The following ERP44 variants were observed in gnomAD, a reference collection of about 807,000 sequenced individuals.
ERP44 encodes the protein endoplasmic reticulum protein 44, also known as endoplasmic reticulum resident protein 44.
In ERP44, 25 loss-of-function variants were observed where a neutral mutation model predicts 53.4. That is an observed-to-expected ratio of 0.47 (90% CI 0.34 to 0.65). ERP44 has a LOEUF of 0.65. ERP44 is among the 30% of genes least tolerant of loss of function. ERP44 has a pLI of 0.01. For missense variants in ERP44, 338 were observed against 493.2 expected, an observed-to-expected ratio of 0.69 and a Z score of 2.98; for synonymous variants, 145 against 161.2, an observed-to-expected ratio of 0.90 and a Z score of 0.76.
Position 100,083,911 on chromosome 9 carries a change from G to A in ERP44, c.57+14873C>T, listed in dbSNP as rs111708899. Among the ~76,000 whole-genome samples, 590 of 152,120 alleles carry A rather than the reference G, an allele frequency of 3.9e-3. 3 individuals are homozygous for A. Among genetic ancestry groups the A allele is most frequent in the African/African-American group, 0.013 (548 of 41,498 alleles). Reference sequence around the variant, plus strand: ...AGAGTATCCACATTTATCTCCTTACGGTCTTCTGTCCCTTAAATGTAGATA... The same window carrying A: ...AGAGTATCCACATTTATCTCCTTACAGTCTTCTGTCCCTTAAATGTAGATA... On this transcript the variant is annotated intron_variant, in intron 1 of 11. Coordinates refer to ENST00000262455, the MANE Select transcript of ERP44 (RefSeq NM_015051.3).
Position 100,067,723 on chromosome 9 carries a change from C to T in ERP44, c.58-7551G>A, listed in dbSNP as rs577180856. The stretch of plus-strand genomic sequence containing the variant: ...AAAGTGAGGAGCGTCTCTGCCCGGC[C>T]GCCATCCCATCTAGGAAGTGAGGAG... On this transcript the variant is annotated intron_variant, in intron 1 of 11. Transcript: ENST00000262455. Among the ~76,000 whole-genome samples the T allele has an allele frequency of 1.5e-4, 22 of 150,062 alleles. No homozygotes were observed. In the South Asian group the frequency reaches 2.3e-3, roughly 16 times the overall value.
At chr9:100,049,666 T>C (rs974409692) in intron 4 of ERP44, among the ~76,000 whole-genome samples, 1 of 152,226 alleles carries the variant, frequency 6.6e-6, no homozygotes, top group Non-Finnish European at 1.5e-5. Context: ...TATTAGTGGG[T>C]ATATAAAATA....
At chr9:100,039,119 G>A (rs1825875541) in intron 4 of ERP44, among the ~76,000 whole-genome samples, 1 of 152,076 alleles carries the variant, frequency 6.6e-6, no homozygotes, top group Non-Finnish European at 1.5e-5. Context: ...TTCAGTCTTG[G>A]ACAGATCTTC....
chr9:100,074,050 A>G (rs1826332354), intron 1 of ERP44, among the ~76,000 whole-genome samples: 1 of 152,202 alleles, frequency 6.6e-6, no homozygotes, highest in South Asian at 2.1e-4. Context: ...TGCTCAAAAT[A>G]TTTTGGAGAG....
At chr9:100,007,538 GAGAA>G (rs1830434325) in intron 9 of ERP44, 36 bp downstream of exon 9, 1 of 993,938 alleles carries the variant, frequency 1.0e-6, no homozygotes, top group Non-Finnish European at 1.6e-6. Context: ...AAAGAAAAGA[GAGAA>G]AGAAATGATG....
At chr9:99,992,757 T>C (rs1240560005) in intron 10 of ERP44, among the ~76,000 whole-genome samples, 2 of 152,296 alleles carry the variant, frequency 1.3e-5, no homozygotes, top group East Asian at 3.9e-4. Flanking sequence ...TGATTATATA[T>C]TTAGAAAACC....
intron 10 of ERP44, among the ~76,000 whole-genome samples, chr9:99,994,177 A>C (rs1000220526): frequency 2.0e-5 from 3 of 152,220 alleles, no homozygotes; most frequent in Non-Finnish European, 4.4e-5. Context: ...ATTATAAATC[A>C]TGCTATTATA....
rs370675509 is a variant in ERP44 at position 100,010,223 on chromosome 9, T to C, written c.763-2534A>G. Among the ~76,000 whole-genome samples the C allele has an allele frequency of 5.9e-5, 9 of 152,340 alleles. No homozygotes were observed. In the East Asian group the frequency reaches 1.3e-3, roughly 23 times the overall value. On this transcript the variant is annotated intron_variant, in intron 8 of 11. Coordinates refer to ENST00000262455, the MANE Select transcript of ERP44 (RefSeq NM_015051.3). Reference sequence around the variant, plus strand: ...ACTATGTCCATACAAGCATATTCTTTACCAAACAAATGTTAAAAGATTAAG... The same window carrying C: ...ACTATGTCCATACAAGCATATTCTTCACCAAACAAATGTTAAAAGATTAAG...
chr9:99,989,435 A>T (rs1004469666), intron 10 of ERP44, among the ~76,000 whole-genome samples: 1 of 152,246 alleles, frequency 6.6e-6, no homozygotes, highest in African/African-American at 2.4e-5. Flanking sequence ...ACTCCAACAG[A>T]CTTGCAGGTG....
chr9:100,074,488 A>G (rs983363113), intron 1 of ERP44, among the ~76,000 whole-genome samples: 4 of 152,334 alleles, frequency 2.6e-5, no homozygotes, highest in Admixed American at 6.5e-5. Flanking sequence ...TCGAATGGAC[A>G]AAAGACTAAT....
intron 11 of ERP44, among the ~76,000 whole-genome samples, chr9:99,984,470 A>G (rs1184155853): frequency 2.0e-5 from 3 of 152,218 alleles, no homozygotes; most frequent in Non-Finnish European, 4.4e-5. Context: ...AGTATTCTAA[A>G]TCACAAATGG....
At position 100,036,129 on chromosome 9, in the gene ERP44, A is replaced by T. The variant is rs969056361; in HGVS notation, c.287-13903T>A. On this transcript the variant is annotated intron_variant, in intron 4 of 11. Coordinates refer to ENST00000262455, the MANE Select transcript of ERP44 (RefSeq NM_015051.3). Reference sequence around the variant, plus strand: ...TCGCAGCACTATTCACAATAGCAAAACCACAGAACCAACCTAGGTATCCAT... The same window carrying T: ...TCGCAGCACTATTCACAATAGCAAATCCACAGAACCAACCTAGGTATCCAT... Among the ~76,000 whole-genome samples the T allele has an allele frequency of 2.3e-4, 35 of 152,328 alleles. No individual in the cohort carries two copies. In the South Asian group the frequency reaches 4.8e-3, roughly 21 times the overall value.
intron 4 of ERP44, among the ~76,000 whole-genome samples, chr9:100,045,504 G>A (rs1265949877): frequency 6.6e-6 from 1 of 152,126 alleles, no homozygotes; most frequent in African/African-American, 2.4e-5. Context: ...GGTGTAATGC[G>A]TCGTGGTAAA....
intron 4 of ERP44, among the ~76,000 whole-genome samples, chr9:100,050,065 A>C (rs1423387552): frequency 6.6e-6 from 1 of 151,800 alleles, no homozygotes; most frequent in East Asian, 1.9e-4. Context: ...AGACAAAAAA[A>C]ACCTCATACT....
chr9:100,052,304 A>T (rs1028259117), intron 4 of ERP44, 113 bp downstream of exon 4: 10 of 251,176 alleles, frequency 4.0e-5, no homozygotes, highest in South Asian at 1.0e-4. Context: ...CAGAGCATTT[A>T]AAAAAAAAAA....
rs147526711 is a variant in ERP44 at position 100,083,846 on chromosome 9, T to C, written c.57+14938A>G. Among the ~76,000 whole-genome samples, 39 of 152,302 alleles carry C rather than the reference T, an allele frequency of 2.6e-4. No homozygotes were observed. In the East Asian group the frequency reaches 7.3e-3, roughly 29 times the overall value. ...GAATTAAAATGACTGGCTATCAAGA[T>C]GCAATAGGACGGGAGAAAAGCTCTA... On this transcript the variant is annotated intron_variant, in intron 1 of 11. Coordinates refer to ENST00000262455, the MANE Select transcript of ERP44 (RefSeq NM_015051.3).
chr9:100,028,755 A>G (rs1250784318), intron 4 of ERP44, among the ~76,000 whole-genome samples: 1 of 152,224 alleles, frequency 6.6e-6, no homozygotes, highest in East Asian at 1.9e-4. Flanking sequence ...AGAAATTCCT[A>G]GAGAGAGTAG....
At chr9:100,088,351 G>A (rs1322415592) in intron 1 of ERP44, among the ~76,000 whole-genome samples, 1 of 152,102 alleles carries the variant, frequency 6.6e-6, no homozygotes, top group Non-Finnish European at 1.5e-5. Flanking sequence ...GAATATGCCT[G>A]GGACACTCCC....
chr9:100,012,074 C>G (rs113481386), intron 8 of ERP44, among the ~76,000 whole-genome samples: 4 of 151,976 alleles, frequency 2.6e-5, no homozygotes, highest in African/African-American at 9.6e-5. Flanking sequence ...GGAAGTAGAA[C>G]CAAAGAATCT....
Sources: allele counts gnomAD v4.1 joint callset (sites outside exome capture counted in the v4.1 genomes callset), GRCh38; gene constraint gnomAD v4.1.1; transcripts MANE v1.5; gene names NCBI Gene and HGNC (gene_info 2026-07-23, HGNC 2026-07-21).